ADD3: variants seen among roughly 807,000 people sequenced by gnomAD.
ADD3 encodes the protein adducin 3, also known as gamma-adducin.
In ADD3, 25 loss-of-function variants were observed where a neutral mutation model predicts 80.2. The ratio of observed to expected loss-of-function variants is 0.31; its 90% CI spans 0.23 to 0.44. ADD3 has a LOEUF of 0.44. Ranked by LOEUF, ADD3 falls within the 20% of genes least tolerant of loss-of-function variation. The pLI, the probability that ADD3 is intolerant of heterozygous loss-of-function variation, is 1.00. For synonymous variants in ADD3, 284 were observed against 289.6 expected, an observed-to-expected ratio of 0.98 and a Z score of 0.20; for missense variants, 829 against 847.5, an observed-to-expected ratio of 0.98 and a Z score of 0.27.
chr10:110,085,080 A>C (rs1405485031), intron 1 of ADD3, among the ~76,000 whole-genome samples: 1 of 151,890 alleles, frequency 6.6e-6, no homozygotes, highest in Non-Finnish European at 1.5e-5. Flanking sequence ...ATTCCCCCCC[A>C]TTTTTTGATA....
intron 1 of ADD3, among the ~76,000 whole-genome samples, chr10:110,025,960 T>C (rs1361096946): frequency 1.3e-5 from 2 of 152,180 alleles, no homozygotes; most frequent in African/African-American, 4.8e-5. Context: ...TGGGAAAGTT[T>C]TGTGAAGTTT....
At chr10:110,004,641 CT>C, upstream of ADD3, among the ~76,000 whole-genome samples, 1 of 152,006 alleles carries the variant, frequency 6.6e-6, no homozygotes, top group East Asian at 2.0e-4. Flanking sequence ...AACTTCCTCA[CT>C]TTACAAAATA....
chr10:110,039,155 C>G (rs1589827941), intron 1 of ADD3, among the ~76,000 whole-genome samples: 1 of 152,302 alleles, frequency 6.6e-6, no homozygotes, highest in East Asian at 1.9e-4. Flanking sequence ...TTACCTTGCA[C>G]ATTGCTTCTG....
chr10:110,119,038 T>TTG (rs751527150), intron 6 of ADD3, among the ~76,000 whole-genome samples, 173 bp from the exon 7 acceptor site: 50 of 152,282 alleles, frequency 3.3e-4, no homozygotes, highest in African/African-American at 1.2e-3. Flanking sequence ...TAAGTCCTTT[T>TTG]TGTGTGTGTG....
intron 1 of ADD3, among the ~76,000 whole-genome samples, chr10:110,084,241 T>TA (rs1266101543): frequency 7.9e-5 from 12 of 152,218 alleles, no homozygotes; most frequent in African/African-American, 2.7e-4. Context: ...TTTAAAATAG[T>TA]AAAAATTGTT....
intron 1 of ADD3, among the ~76,000 whole-genome samples, chr10:110,046,820 A>G (rs536295287): frequency 5.9e-5 from 9 of 152,344 alleles, no homozygotes; most frequent in African/African-American, 1.7e-4. Context: ...ATCAAGCACA[A>G]AATACTGGTT....
chr10:110,109,374 TC>T, intron 2 of ADD3, among the ~76,000 whole-genome samples: 1 of 152,316 alleles, frequency 6.6e-6, no homozygotes, highest in African/African-American at 2.4e-5. Flanking sequence ...TTAACCTCAT[TC>T]CTGGCTCTGT....
intron 4 of ADD3, 123 bp downstream of exon 4, chr10:110,116,533 C>T: frequency 2.1e-6 from 2 of 970,788 alleles, no homozygotes; most frequent in Non-Finnish European, 3.0e-6. Context: ...TATGCTAGAT[C>T]ACAACCAAAT....
intron 9 of ADD3, 76 bp from the exon 10 acceptor site, chr10:110,123,941 T>C (rs1431319932): frequency 2.1e-6 from 3 of 1,437,764 alleles, no homozygotes; most frequent in Non-Finnish European, 2.8e-6. Context: ...ATCATTTGTA[T>C]ACAAAAGGAA....
chr10:110,061,211 A>G (rs562850070), intron 1 of ADD3, among the ~76,000 whole-genome samples: 1 of 152,240 alleles, frequency 6.6e-6, no homozygotes, highest in Non-Finnish European at 1.5e-5. Context: ...CTCATCCAGC[A>G]GAGCCATAAA....
chr10:110,041,866 A>T (rs914100804), intron 1 of ADD3, among the ~76,000 whole-genome samples: 2 of 152,206 alleles, frequency 1.3e-5, no homozygotes, highest in Non-Finnish European at 2.9e-5. Flanking sequence ...TACTTTTAAA[A>T]TTCTTTTGGG....
chr10:110,058,249 C>T (rs1345234937), intron 1 of ADD3, among the ~76,000 whole-genome samples: 1 of 152,024 alleles, frequency 6.6e-6, no homozygotes, highest in Non-Finnish European at 1.5e-5. Flanking sequence ...TCAGGAAACA[C>T]CTTTTTTTCT....
intron 1 of ADD3, among the ~76,000 whole-genome samples, chr10:110,036,537 G>A (rs573895555): frequency 1.6e-4 from 25 of 151,910 alleles, no homozygotes; most frequent in East Asian, 9.7e-4. Flanking sequence ...CTGCCACCAC[G>A]CCTGGCTAAT....
At chr10:110,041,120 A>G (rs1278272675) in intron 1 of ADD3, among the ~76,000 whole-genome samples, 7 of 152,152 alleles carry the variant, frequency 4.6e-5, no homozygotes, top group Non-Finnish European at 1.0e-4. Context: ...TGATTTTTCA[A>G]CATTTGAAGA....
intron 3 of ADD3, among the ~76,000 whole-genome samples, chr10:110,115,777 A>T (rs550567016): frequency 1.3e-5 from 2 of 152,248 alleles, no homozygotes; most frequent in Non-Finnish European, 2.9e-5. Flanking sequence ...CAATTAGATC[A>T]TTAGAGACCT....
At chr10:110,039,258 A>G (rs1273722861) in intron 1 of ADD3, among the ~76,000 whole-genome samples, 2 of 152,054 alleles carry the variant, frequency 1.3e-5, no homozygotes, top group Non-Finnish European at 2.9e-5. Flanking sequence ...CCCATCCTTT[A>G]AGACCTTCTG....
chr10:110,036,719 TTCACTC>T (rs1283448269), intron 1 of ADD3, among the ~76,000 whole-genome samples: 1 of 152,122 alleles, frequency 6.6e-6, no homozygotes, highest in African/African-American at 2.4e-5. Context: ...AGTAGATACT[TTCACTC>T]TCTGAGGTAT....
chr10:110,116,485 C>T, intron 4 of ADD3, 75 bp downstream of exon 4: 3 of 1,469,662 alleles, frequency 2.0e-6, no homozygotes, highest in Non-Finnish European at 2.8e-6. Context: ...TTACCTTTAC[C>T]TGGAAGTCCA....
chr10:110,126,378 GC>G (rs1332801540), intron 11 of ADD3, 38 bp from the exon 12 acceptor site: 3 of 1,469,988 alleles, frequency 2.0e-6, no homozygotes, highest in Non-Finnish European at 2.9e-6. Flanking sequence ...CTGCATAGTT[GC>G]CCTCAAGAAC....
Sources: gnomAD v4.1 joint callset for allele counts (sites outside exome capture counted in the v4.1 genomes callset) on GRCh38, gnomAD v4.1.1 for gene constraint, MANE v1.5 for transcripts, NCBI Gene and HGNC (gene_info 2026-07-23, HGNC 2026-07-21) for gene names.